CNIH3: variants seen among roughly 807,000 people sequenced by gnomAD.
CNIH3 encodes the protein protein cornichon homolog 3.
Under a neutral mutation model 24.1 loss-of-function variants are expected in CNIH3, and 14 were observed. The ratio of observed to expected loss-of-function variants is 0.58; its 90% CI spans 0.38 to 0.91. The LOEUF (loss-of-function observed/expected upper bound fraction) is 0.91. CNIH3 is among the 40% of genes least tolerant of loss of function. The probability of loss-of-function intolerance (pLI) is 0.00; values close to 1 mark genes in which losing one functional copy is unlikely to be tolerated. For synonymous variants in CNIH3, 68 were observed against 73.8 expected, an observed-to-expected ratio of 0.92 and a Z score of 0.40; for missense variants, 178 against 196.8, an observed-to-expected ratio of 0.90 and a Z score of 0.57.
chr1:224,434,878 G>A (rs1219041328), intron 1 of CNIH3: 12 of 985,422 alleles, frequency 1.2e-5, no homozygotes, highest in Non-Finnish European at 1.4e-5. Flanking sequence ...GAACCTATAG[G>A]GGGCCTGTCA....
intron 3 of CNIH3, among the ~76,000 whole-genome samples, chr1:224,690,003 A>G (rs924163022): frequency 2.6e-5 from 4 of 152,088 alleles, no homozygotes; most frequent in African/African-American, 7.2e-5. Context: ...TTGGGCATAT[A>G]AAGGGTTCTC....
chr1:224,734,476 G>C, intron 4 of CNIH3, 87 bp from the exon 5 acceptor site: 1 of 1,400,840 alleles, frequency 7.1e-7, no homozygotes, highest in Non-Finnish European at 1.0e-6. Context: ...GGGATTGCTC[G>C]ACAGAAGCCC....
chr1:224,470,064 G>A (rs1019916467), intron 1 of CNIH3, among the ~76,000 whole-genome samples: 1 of 151,442 alleles, frequency 6.6e-6, no homozygotes, highest in Non-Finnish European at 1.5e-5. Flanking sequence ...TGTTGCCCAG[G>A]CTGGAGTTCA....
chr1:224,504,119 G>A (rs1221160971), intron 1 of CNIH3, among the ~76,000 whole-genome samples: 4 of 152,224 alleles, frequency 2.6e-5, no homozygotes, highest in Admixed American at 1.3e-4. Flanking sequence ...GGACTGTATG[G>A]ATGATGCCTT....
intron 1 of CNIH3, among the ~76,000 whole-genome samples, chr1:224,442,285 A>G (rs752637276): frequency 2.0e-5 from 3 of 152,176 alleles, no homozygotes; most frequent in Non-Finnish European, 2.9e-5. Context: ...TGCTGGGATT[A>G]TAGGCAAGAG....
chr1:224,691,015 A>G (rs1686905479), intron 3 of CNIH3, among the ~76,000 whole-genome samples: 1 of 152,188 alleles, frequency 6.6e-6, no homozygotes, highest in African/African-American at 2.4e-5. Context: ...AAATTCCATG[A>G]TGTGGTTCTG....
At position 224,596,260 on chromosome 1, in the gene CNIH3, A is replaced by G. The variant is rs114254289; in HGVS notation, n.402+29996A>G. Among the ~76,000 whole-genome samples the G allele has an allele frequency of 2.0e-3, 309 of 152,350 alleles. 1 individual carries two copies. Among genetic ancestry groups the G allele is most frequent in the African/African-American group, 6.9e-3 (288 of 41,590 alleles). On this transcript the variant is annotated intron_variant and non_coding_transcript_variant, in intron 3 of 7. Transcript: ENST00000478120. The stretch of plus-strand genomic sequence containing the variant: ...CATTTACCATTCCAAAAAATCCTAG[A>G]ACCCTTTATAATTATGCTAAATATA...
At chr1:224,635,627 C>T (rs1052699174) in intron 1 of CNIH3, among the ~76,000 whole-genome samples, 1 of 152,230 alleles carries the variant, frequency 6.6e-6, no homozygotes, top group Non-Finnish European at 1.5e-5. Flanking sequence ...CATGAGCAGT[C>T]AGCCCACAGC....
intron 1 of CNIH3, among the ~76,000 whole-genome samples, chr1:224,627,513 C>T (rs537381764): frequency 7.2e-5 from 11 of 152,064 alleles, no homozygotes; most frequent in East Asian, 1.9e-4. Flanking sequence ...CGTGAGCCAC[C>T]GCACCTGGCC....
intron 3 of CNIH3, among the ~76,000 whole-genome samples, chr1:224,609,862 A>G (rs905484655): frequency 2.0e-5 from 3 of 152,154 alleles, no homozygotes; most frequent in African/African-American, 7.2e-5. Context: ...CAGATAGGAG[A>G]TAAGGTTGGA....
chr1:224,646,245 AAGAC>A (rs1558249208), intron 1 of CNIH3, among the ~76,000 whole-genome samples: 1 of 152,206 alleles, frequency 6.6e-6, no homozygotes, highest in Non-Finnish European at 1.5e-5. Flanking sequence ...GATGAAGAGA[AAGAC>A]AGAGGGATTA....
At chr1:224,640,965 G>A (rs1332479269) in intron 1 of CNIH3, among the ~76,000 whole-genome samples, 24 of 152,184 alleles carry the variant, frequency 1.6e-4, no homozygotes, top group Admixed American at 1.6e-3. Context: ...TGTGTTTCTG[G>A]GAAAGAGTTG....
At position 224,616,520 on chromosome 1, in the gene CNIH3, CG is replaced by C. The variant is rs926841724; in HGVS notation, c.-652del. On this transcript the variant is annotated 5_prime_UTR_variant, in exon 1 of 6. Coordinates refer to ENST00000272133, the MANE Select transcript of CNIH3 (RefSeq NM_152495.2). ...GGCTGGCCGGAGTCACGGTTGGGGA[CG>C]GGCGCGCCTCGGAGCGCACGGCTGC... The C allele has an allele frequency of 2.4e-5, 24 of 987,364 alleles. No individual in the cohort carries two copies. The African/African-American group carries it at 3.8e-4, about 16-fold the overall frequency. 61.2% of individuals were successfully genotyped at this position (987,364 alleles called of 1,614,324 possible). A position where few individuals can be genotyped will look rare whatever the true frequency, so the allele number is the denominator to read the frequency against.
At chr1:224,436,674 C>T (rs1174897580) in intron 1 of CNIH3, 3 of 152,226 alleles carry the variant, frequency 2.0e-5, no homozygotes, top group Admixed American at 6.5e-5. Context: ...AATCTGTTAT[C>T]TGAACTCTGG....
intron 1 of CNIH3, among the ~76,000 whole-genome samples, chr1:224,443,711 A>ATTTTTTTTTT (rs56248229): frequency 6.7e-6 from 1 of 149,454 alleles, no homozygotes; most frequent in Non-Finnish European, 1.5e-5. Context: ...ATATATATAT[A>ATTTTTTTTTT]TTTTTTTAGG....
Position 224,581,752 on chromosome 1 carries a change from C to T in CNIH3, n.517-1412C>T, listed in dbSNP as rs981489798. ...GTGACAGGAATCATTTTTCTTTTCT[C>T]GGAAGATGATTTAAGGTCAAATTTA... is the stretch of plus-strand genomic sequence containing the variant. On this transcript the variant is annotated intron_variant and non_coding_transcript_variant, in intron 4 of 5. Coordinates refer to the CNIH3 transcript ENST00000471578. Among the ~76,000 whole-genome samples, 16 of 152,068 alleles carry T rather than the reference C, an allele frequency of 1.1e-4. No homozygotes were observed. In the East Asian group the frequency reaches 1.3e-3, roughly 13 times the overall value.
chr1:224,441,818 ATAATAC>A (rs1207261334), intron 1 of CNIH3, among the ~76,000 whole-genome samples: 4 of 152,144 alleles, frequency 2.6e-5, no homozygotes, highest in Non-Finnish European at 5.9e-5. Context: ...TCTTTACTAA[ATAATAC>A]TAAATGTATA....
At position 224,617,131 on chromosome 1, in the gene CNIH3, T is replaced by C. The variant is rs764262397; in HGVS notation, c.-44T>C. 13 of 1,608,880 alleles carry C rather than the reference T, an allele frequency of 8.1e-6. No homozygotes were observed. The South Asian group carries it at 1.3e-4, about 16-fold the overall frequency. On this transcript the variant is annotated 5_prime_UTR_variant, in exon 1 of 6. Coordinates refer to ENST00000272133, the MANE Select transcript of CNIH3 (RefSeq NM_152495.2). ...GTCCTCTAGGGAGGCATCGGGCTCC[T>C]AGGGGCTTCTTGGCGTGTGTGGTGG...
intron 3 of CNIH3, among the ~76,000 whole-genome samples, chr1:224,713,518 T>C (rs532723445): frequency 1.3e-5 from 2 of 152,300 alleles, no homozygotes; most frequent in South Asian, 4.1e-4. Flanking sequence ...TTACTCTGAG[T>C]TCTCTGAGCT....
Sources: allele counts gnomAD v4.1 joint callset (sites outside exome capture counted in the v4.1 genomes callset), GRCh38; gene constraint gnomAD v4.1.1; transcripts MANE v1.5; gene names NCBI Gene and HGNC (gene_info 2026-07-23, HGNC 2026-07-21).